ACER2: variants seen among roughly 807,000 people sequenced by gnomAD.
ACER2 encodes alkaline ceramidase 2.
In ACER2, 26 loss-of-function variants were observed where a neutral mutation model predicts 34.7. The ratio of observed to expected loss-of-function variants is 0.75; its 90% CI spans 0.55 to 1.04. The LOEUF is 1.04. Ranked by LOEUF, ACER2 falls within the 50% of genes least tolerant of loss-of-function variation. ACER2 has a pLI of 0.00. For missense variants in ACER2, 352 were observed against 340.8 expected (o/e 1.03, Z -0.26); for synonymous variants, 138 against 132.1 (o/e 1.04, Z -0.31).
intron 3 of ACER2, among the ~76,000 whole-genome samples, chr9:19,426,358 T>TTCTCTCTC (rs59963606): frequency 9.3e-5 from 11 of 118,322 alleles, no homozygotes; most frequent in Middle Eastern, 4.2e-3. Flanking sequence ...CTCCCTCTCT[T>TTCTCTCTC]TCTCTCTCTC....
At chr9:19,424,935 C>T (rs1563877959) in intron 3 of ACER2, 94 bp downstream of exon 3, 2 of 1,483,000 alleles carry the variant, frequency 1.3e-6, no homozygotes, top group African/African-American at 1.4e-5. Flanking sequence ...TGATTGAACT[C>T]AGCCTAGTGA....
intron 3 of ACER2, among the ~76,000 whole-genome samples, chr9:19,428,079 TTCTCTC>T (rs537498524): frequency 1.4e-5 from 2 of 139,818 alleles, no homozygotes; most frequent in Non-Finnish European, 3.1e-5. Context: ...TTTCCTTTCC[TTCTCTC>T]TCTCTCTCTC....
intron 4 of ACER2, among the ~76,000 whole-genome samples, chr9:19,440,781 C>T (rs1025225414): frequency 6.6e-6 from 1 of 152,142 alleles, no homozygotes; most frequent in Admixed American, 6.5e-5. Context: ...CCTAAACTTA[C>T]GTCTCCAACC....
intron 1 of ACER2, among the ~76,000 whole-genome samples, chr9:19,417,059 C>A (rs1830261488): frequency 6.6e-6 from 1 of 151,236 alleles, no homozygotes; most frequent in Non-Finnish European, 1.5e-5. Context: ...GTGTAAAAAT[C>A]ACAAGCATTC....
chr9:19,446,100 A>G, intron 4 of ACER2, 181 bp from the exon 5 acceptor site: 1 of 917,690 alleles, frequency 1.1e-6, no homozygotes. Context: ...TCTGTGAGCC[A>G]TCTGTGTACA....
Position 19,409,157 on chromosome 9 carries a change from A to C in ACER2, c.73A>C (p.Thr25Pro), listed in dbSNP as rs767197220. 6.2e-7 allele frequency: 1 copy of C among 1,604,960 alleles called. No individual in the cohort carries two copies. The highest frequency in any genetic ancestry group is 1.7e-5 in the Admixed American group (1 of 58,832). ...SEVDWCEDNY[T>P]IVPAIAEFYN... ...GGTGGACTGGTGCGAGGACAACTAC[A>C]CCATCGTGCCTGCTATCGCCGAGTT... Residue 25 changes from threonine (T) to proline (P), a missense_variant, in exon 1 of 6, where the codon ACC becomes CCC. Transcript: ENST00000340967.
chr9:19,425,693 C>A (rs1209275031), intron 3 of ACER2, among the ~76,000 whole-genome samples: 1 of 152,096 alleles, frequency 6.6e-6, no homozygotes, highest in Non-Finnish European at 1.5e-5. Context: ...GAAAGTCTTT[C>A]TGAGGAGCTG....
chr9:19,430,333 A>G (rs4327934), intron 3 of ACER2, among the ~76,000 whole-genome samples: 38,421 of 152,096 alleles, frequency 0.25, 5,773 homozygotes, highest in African/African-American at 0.42. Context: ...GGAAGCAGTG[A>G]TGCTAAGGGT....
intron 4 of ACER2, among the ~76,000 whole-genome samples, chr9:19,438,760 A>G (rs949252489): frequency 5.3e-5 from 8 of 152,186 alleles, no homozygotes; most frequent in African/African-American, 1.9e-4. Context: ...TTATAAGAAA[A>G]GGGAAAGGGA....
chr9:19,448,130 C>G (rs1268940606), intron 5 of ACER2, among the ~76,000 whole-genome samples: 1 of 151,726 alleles, frequency 6.6e-6, no homozygotes, highest in African/African-American at 2.4e-5. Flanking sequence ...ACCTCACCCC[C>G]TGCAGGGAGC....
chr9:19,410,379 A>G (rs570208999), intron 1 of ACER2, among the ~76,000 whole-genome samples: 6 of 151,632 alleles, frequency 4.0e-5, no homozygotes, highest in African/African-American at 1.2e-4. Context: ...CCACACAAAC[A>G]CTCCTGCTCC....
At chr9:19,424,863 T>C (rs1395127227) in intron 3 of ACER2, 22 bp downstream of exon 3, 2 of 1,613,846 alleles carry the variant, frequency 1.2e-6, no homozygotes, top group African/African-American at 2.7e-5. Context: ...CTAAACATTA[T>C]TGCATTTACC....
chr9:19,430,310 A>T (rs1258589634), intron 3 of ACER2, among the ~76,000 whole-genome samples: 1 of 152,180 alleles, frequency 6.6e-6, no homozygotes, highest in Non-Finnish European at 1.5e-5. Flanking sequence ...TAGATTTTGG[A>T]TTAGAGAATA....
chr9:19,448,754 A>G (rs1341193131), intron 5 of ACER2, among the ~76,000 whole-genome samples: 1 of 152,156 alleles, frequency 6.6e-6, no homozygotes, highest in Non-Finnish European at 1.5e-5. Context: ...AAAAATTAGT[A>G]TTTTTGTTGG....
intron 3 of ACER2, among the ~76,000 whole-genome samples, chr9:19,432,366 T>C (rs1343512772): frequency 1.3e-5 from 2 of 152,152 alleles, no homozygotes; most frequent in African/African-American, 4.8e-5. Context: ...CTGTTTTACT[T>C]ATGAAAGTTA....
chr9:19,432,178 A>G (rs1181335982), intron 3 of ACER2, among the ~76,000 whole-genome samples: 1 of 152,222 alleles, frequency 6.6e-6, no homozygotes, highest in African/African-American at 2.4e-5. Context: ...AAGACTTGTC[A>G]TTTCAAAAAC....
At chr9:19,445,881 T>A (rs1486653174) in intron 4 of ACER2, among the ~76,000 whole-genome samples, 2 of 152,090 alleles carry the variant, frequency 1.3e-5, no homozygotes, top group African/African-American at 4.8e-5. Flanking sequence ...AGCATGGATC[T>A]AGATGGAGGT....
chr9:19,409,169 G>A lies in ACER2; in HGVS notation c.85G>A (p.Ala29Thr). The change falls in exon 1 of 6, where the codon GCT becomes ACT. Residue 29 changes from alanine to threonine, a missense_variant. Physicochemically the swap from Ala to Thr is moderately conservative, Grantham distance 58. Transcript: ENST00000340967. ...CGAGGACAACTACACCATCGTGCCT[G>A]CTATCGCCGAGTTCTACAACACGGT... ...WCEDNYTIVP[A>T]IAEFYNTISN... 6.2e-7 allele frequency: 1 copy of A among 1,602,300 alleles called. No individual in the cohort carries two copies. The highest frequency in any genetic ancestry group is 8.5e-7 in the Non-Finnish European group (1 of 1,174,950).
chr9:19,417,203 A>C (rs1353151660), intron 1 of ACER2, among the ~76,000 whole-genome samples: 1 of 152,234 alleles, frequency 6.6e-6, no homozygotes, highest in Non-Finnish European at 1.5e-5. Flanking sequence ...ACTACAAACC[A>C]CTGCTCAAGG....
Sources: gnomAD v4.1 joint callset for allele counts (sites outside exome capture counted in the v4.1 genomes callset) on GRCh38, gnomAD v4.1.1 for gene constraint, MANE v1.5 for transcripts, NCBI Gene and HGNC (gene_info 2026-07-23, HGNC 2026-07-21) for gene names.